Variants in ATRNL1 observed in about 807,000 individuals in gnomAD.
The protein encoded by ATRNL1 is attractin-like protein 1.
In ATRNL1, 95 loss-of-function variants were observed where a neutral mutation model predicts 182.7. The observed-to-expected ratio is 0.52, with a 90% confidence interval of 0.44 to 0.62. The LOEUF is 0.62. Among genes scored for constraint, ATRNL1 ranks in the 20% least tolerant of loss-of-function variants. ATRNL1 has a pLI of 0.00. For missense variants in ATRNL1, 1,471 were observed against 1,679.5 expected, an observed-to-expected ratio of 0.88 and a Z score of 2.17; for synonymous variants, 576 against 568.3, an observed-to-expected ratio of 1.01 and a Z score of -0.19.
At chr10:115,822,680 G>A (rs1369102898) in intron 27 of ATRNL1, among the ~76,000 whole-genome samples, 5 of 152,116 alleles carry the variant, frequency 3.3e-5, no homozygotes, top group Non-Finnish European at 5.9e-5. Flanking sequence ...AGAAAATCTA[G>A]AAGAAATGGA....
chr10:115,672,084 AATAAC>A (rs1945714006), intron 26 of ATRNL1, among the ~76,000 whole-genome samples: 2 of 152,148 alleles, frequency 1.3e-5, no homozygotes, highest in African/African-American at 4.8e-5. Flanking sequence ...AAGAAAAACA[AATAAC>A]ATAATTGTAT....
In ATRNL1 at chr10:115,464,997, G is replaced by GT. The variant is rs576368272; in HGVS notation, c.3418-2169dup. 6.6e-3 allele frequency among the ~76,000 whole-genome samples: 994 copies of GT among 151,566 alleles called. 7 individuals are homozygous for GT. The highest frequency in any genetic ancestry group is 0.011 in the Non-Finnish European group (720 of 67,636). On this transcript the variant is annotated intron_variant, in intron 22 of 28. Transcript: ENST00000355044. Reference sequence around the variant, plus strand: ...ATAAGCACTATGGGCTGAAACCAAAGTTTTTTTTCCAGAAATTATTTCATT... The same window carrying GT: ...ATAAGCACTATGGGCTGAAACCAAAGTTTTTTTTTCCAGAAATTATTTCATT...
At chr10:115,530,301 CA>C (rs111573986) in intron 25 of ATRNL1, among the ~76,000 whole-genome samples, 2 of 151,934 alleles carry the variant, frequency 1.3e-5, no homozygotes, top group African/African-American at 2.4e-5. Context: ...AACTGCCAAA[CA>C]TTTTTTTAAA....
chr10:115,752,036 T>C (rs1312681195), intron 27 of ATRNL1, among the ~76,000 whole-genome samples: 4 of 152,064 alleles, frequency 2.6e-5, no homozygotes, highest in East Asian at 3.8e-4. Context: ...GTTTTACTGA[T>C]TTAGGAATTC....
intron 28 of ATRNL1, among the ~76,000 whole-genome samples, chr10:115,893,210 G>T (rs531128181): frequency 6.6e-6 from 1 of 152,302 alleles, no homozygotes; most frequent in East Asian, 1.9e-4. Flanking sequence ...GAGGGAAATG[G>T]GGGCAGAACA....
At chr10:115,914,405 G>A (rs1555116688) in intron 28 of ATRNL1, among the ~76,000 whole-genome samples, 2 of 152,168 alleles carry the variant, frequency 1.3e-5, no homozygotes, top group Admixed American at 1.3e-4. Flanking sequence ...GGATTCTGAG[G>A]TCATGTTGAC....
intron 21 of ATRNL1, among the ~76,000 whole-genome samples, chr10:115,434,138 A>G (rs1009855788): frequency 6.6e-6 from 1 of 152,098 alleles, no homozygotes; most frequent in African/African-American, 2.4e-5. Context: ...TCATGTCCTG[A>G]GAATGATTTT....
intron 26 of ATRNL1, among the ~76,000 whole-genome samples, chr10:115,637,307 A>G (rs1555028530): frequency 6.6e-6 from 1 of 152,136 alleles, no homozygotes; most frequent in East Asian, 1.9e-4. Context: ...ATTGCTCCTG[A>G]AGACATTCCG....
At chr10:115,205,919 ATTG>A (rs1314188704) in intron 8 of ATRNL1, among the ~76,000 whole-genome samples, 4 of 152,052 alleles carry the variant, frequency 2.6e-5, no homozygotes, top group African/African-American at 9.7e-5. Flanking sequence ...TACCATATCT[ATTG>A]TTATTTCCTC....
At chr10:115,730,159 AG>A (rs1268996100) in intron 27 of ATRNL1, among the ~76,000 whole-genome samples, 3 of 147,762 alleles carry the variant, frequency 2.0e-5, no homozygotes, top group African/African-American at 7.5e-5. Context: ...CTGGAATATG[AG>A]GCAGGAGAAT....
intron 10 of ATRNL1, among the ~76,000 whole-genome samples, chr10:115,254,503 T>G (rs1851028667): frequency 6.6e-6 from 1 of 150,850 alleles, no homozygotes; most frequent in Non-Finnish European, 1.5e-5. Context: ...TTCTTGTAAA[T>G]TTGTTTGAGT....
chr10:115,944,630 A>G (rs782535631), intron 28 of ATRNL1, 28 bp from the exon 29 acceptor site: 21 of 1,583,082 alleles, frequency 1.3e-5, no homozygotes, highest in Non-Finnish European at 1.6e-5. Context: ...CTAAGCAAGC[A>G]TTTAAATGCT....
Position 115,439,149 on chromosome 10 carries a change from A to C in ATRNL1, c.3322+12847A>C, listed in dbSNP as rs148280888. ...ATTCATTAAGTAGAAGTGGAAATGG[A>C]TCGTCATAAAGGTCTTCATTCTCAA... On this transcript the variant is annotated intron_variant, in intron 21 of 28. Coordinates refer to ENST00000355044, the MANE Select transcript of ATRNL1 (RefSeq NM_207303.4). Among the ~76,000 whole-genome samples the C allele has an allele frequency of 1.5e-4, 23 of 152,060 alleles. No individual in the cohort carries two copies. The East Asian group carries it at 4.1e-3, about 27-fold the overall frequency.
chr10:115,411,405 A>T (rs1845135053), intron 20 of ATRNL1, among the ~76,000 whole-genome samples: 3 of 151,948 alleles, frequency 2.0e-5, no homozygotes, highest in Admixed American at 2.0e-4. Flanking sequence ...AATGATAATC[A>T]TTATTTAGGT....
At chr10:115,250,711 A>G (rs1850840588) in intron 10 of ATRNL1, among the ~76,000 whole-genome samples, 1 of 152,214 alleles carries the variant, frequency 6.6e-6, no homozygotes, top group Non-Finnish European at 1.5e-5. Flanking sequence ...CTGTCTGAGA[A>G]TGTTCTTGTC....
At chr10:115,690,937 G>T (rs545301933) in intron 26 of ATRNL1, among the ~76,000 whole-genome samples, 2 of 152,224 alleles carry the variant, frequency 1.3e-5, no homozygotes, top group African/African-American at 4.8e-5. Flanking sequence ...GCTGAATTAC[G>T]CTTTACCTAC....
chr10:115,323,096 C>G (rs1383555710), intron 18 of ATRNL1, among the ~76,000 whole-genome samples: 1 of 152,036 alleles, frequency 6.6e-6, no homozygotes, highest in African/African-American at 2.4e-5. Context: ...TCCCTCCTCT[C>G]TTTCCAGTGT....
intron 19 of ATRNL1, among the ~76,000 whole-genome samples, chr10:115,369,238 C>T (rs1467092681): frequency 1.5e-5 from 2 of 130,250 alleles, no homozygotes; most frequent in Non-Finnish European, 3.1e-5. Context: ...ATGGAGGATT[C>T]TGTGATGAGG....
intron 5 of ATRNL1, among the ~76,000 whole-genome samples, chr10:115,147,370 C>A (rs532088944): frequency 3.6e-4 from 55 of 152,132 alleles, no homozygotes; most frequent in African/African-American, 1.3e-3. Flanking sequence ...GATTTTAGGT[C>A]CCTGTCAGTA....
Sources: allele counts gnomAD v4.1 joint callset (sites outside exome capture counted in the v4.1 genomes callset), GRCh38; gene constraint gnomAD v4.1.1; transcripts MANE v1.5; gene names NCBI Gene and HGNC (gene_info 2026-07-23, HGNC 2026-07-21).